The following CACNG5 variants were observed in gnomAD, a reference collection of about 807,000 sequenced individuals.
CACNG5 encodes the protein calcium voltage-gated channel auxiliary subunit gamma 5, also known as voltage-dependent calcium channel gamma-5 subunit.
CACNG5 carries 18 observed loss-of-function variants against 24.8 expected under a neutral mutation model. The observed-to-expected ratio is 0.73, with a 90% CI of 0.50 to 1.08. The LOEUF (loss-of-function observed/expected upper bound fraction) is 1.08. CACNG5 is among the 50% of genes least tolerant of loss of function. The probability of loss-of-function intolerance (pLI) is 0.00; values close to 1 mark genes in which losing one functional copy is unlikely to be tolerated. For synonymous variants in CACNG5, 157 were observed against 149.1 expected, an observed-to-expected ratio of 1.05 and a Z score of -0.39; for missense variants, 349 against 367.9, an observed-to-expected ratio of 0.95 and a Z score of 0.42.
rs1977307997 is a variant in CACNG5, at chr17:66,889,294, T to C, written c.*4054T>C. 6.6e-6 allele frequency among the ~76,000 whole-genome samples: 1 copy of C among 152,172 alleles called. No homozygotes were observed. Among genetic ancestry groups the C allele is most frequent in the African/African-American group, 2.4e-5 (1 of 41,456 alleles). On this transcript the variant is annotated 3_prime_UTR_variant, in exon 6 of 6. Transcript: ENST00000533854. ...CTTTCTTGTCCCATGGGTGAGTCAA[T>C]GATGTCCTCCCAGCCCCACCAGTGA...
Position 66,885,209 on chromosome 17 carries a change from A to G in CACNG5, c.797A>G (p.Asp266Gly). ...SNYPALLKCP[D>G]YDQMSSSPC ...TACCCCGCCTTGCTCAAGTGCCCCGACTATGATCAGATGTCCTCTTCACCC... is the reference window on the plus strand; with the variant it reads ...TACCCCGCCTTGCTCAAGTGCCCCGGCTATGATCAGATGTCCTCTTCACCC... Residue 266 changes from aspartate (D) to glycine (G), a missense_variant, in exon 6 of 6, where the codon GAC becomes GGC. Coordinates refer to ENST00000533854, the MANE Select transcript of CACNG5 (RefSeq NM_145811.3). 1.2e-6 allele frequency: 2 copies of G among 1,601,220 alleles called. No individual in the cohort carries two copies. Among genetic ancestry groups the G allele is most frequent in the Non-Finnish European group, 1.7e-6 (2 of 1,177,844 alleles).
chr17:66,843,281 C>A (rs1215291132), intron 1 of CACNG5, among the ~76,000 whole-genome samples: 1 of 152,134 alleles, frequency 6.6e-6, no homozygotes, highest in East Asian at 1.9e-4. Flanking sequence ...TGAAGTCCAG[C>A]ACCTAAAGAA....
rs1977385592 is a variant in CACNG5 at position 66,894,383 on chromosome 17, C to A, written c.*9143C>A. 6.6e-6 allele frequency among the ~76,000 whole-genome samples: 1 copy of A among 152,062 alleles called. No homozygotes were observed. ...TACTCATAATAATTTACCCTGTGAT[C>A]CTATTAATAATAAATTAGTACTAAT... On this transcript the variant is annotated 3_prime_UTR_variant, in exon 6 of 6. Coordinates refer to ENST00000533854, the MANE Select transcript of CACNG5 (RefSeq NM_145811.3).
intron 1 of CACNG5, among the ~76,000 whole-genome samples, chr17:66,839,669 A>G (rs1598042125): frequency 7.0e-6 from 1 of 141,950 alleles, no homozygotes; most frequent in Non-Finnish European, 1.6e-5. Flanking sequence ...AGGAACATGG[A>G]GGGGGGTCAG....
intron 1 of CACNG5, among the ~76,000 whole-genome samples, chr17:66,852,173 C>T (rs944380019): frequency 1.3e-5 from 2 of 152,326 alleles, no homozygotes; most frequent in Non-Finnish European, 2.9e-5. Flanking sequence ...TTCTGGTCTT[C>T]GGACTCTGAG....
intron 1 of CACNG5, among the ~76,000 whole-genome samples, chr17:66,866,573 C>T (rs944358501): frequency 7.9e-5 from 12 of 152,148 alleles, no homozygotes; most frequent in Non-Finnish European, 1.5e-4. Flanking sequence ...GTATTAAGCC[C>T]TGCATGCTTT....
chr17:66,874,145 C>A (rs1391017737), intron 1 of CACNG5, among the ~76,000 whole-genome samples: 1 of 152,086 alleles, frequency 6.6e-6, no homozygotes, highest in Non-Finnish European at 1.5e-5. Context: ...AGCTTCTTAA[C>A]CTCACTGATC....
intron 4 of CACNG5, among the ~76,000 whole-genome samples, chr17:66,882,743 G>A (rs913552461): frequency 5.9e-5 from 9 of 152,166 alleles, no homozygotes; most frequent in African/African-American, 1.4e-4. Context: ...ATTGATAGAT[G>A]GATGGATGGA....
In CACNG5 at chr17:66,879,077, G is replaced by T. The variant is rs774424619; in HGVS notation, c.283+19G>T. 6.3e-7 allele frequency: 1 copy of T among 1,594,952 alleles called. No homozygotes were observed. Among genetic ancestry groups the T allele is most frequent in the Non-Finnish European group, 8.6e-7 (1 of 1,162,876 alleles). Reference sequence around the variant, plus strand: ...GTTCTAAGTAAGTGCCTTGAGTCTGGCAACCTGGGCCACTGGCTGGACAGA... The same window carrying T: ...GTTCTAAGTAAGTGCCTTGAGTCTGTCAACCTGGGCCACTGGCTGGACAGA... On this transcript the variant is annotated intron_variant, in intron 3 of 5. Coordinates refer to ENST00000533854, the MANE Select transcript of CACNG5 (RefSeq NM_145811.3).
intron 4 of CACNG5, among the ~76,000 whole-genome samples, chr17:66,883,740 A>G (rs1977199851): frequency 6.6e-6 from 1 of 152,228 alleles, no homozygotes; most frequent in South Asian, 2.1e-4. Context: ...TCACAATGAT[A>G]GGTGCCACCT....
chr17:66,885,542 A>C lies in CACNG5; in HGVS notation c.*302A>C. ...GCCAGCAGCTCCCCCCAAGCCCAGG[A>C]GACACCGATGTTCCCTTTGTATATT... On this transcript the variant is annotated 3_prime_UTR_variant, in exon 6 of 6. Transcript: ENST00000533854. The C allele has an allele frequency of 2.5e-6, 1 of 395,538 alleles. No individual in the cohort carries two copies. The highest frequency in any genetic ancestry group is 4.5e-6 in the Non-Finnish European group (1 of 220,638). 24.5% of individuals were successfully genotyped at this position (395,538 alleles called of 1,614,324 possible).
intron 5 of CACNG5, 86 bp from the exon 6 acceptor site, chr17:66,884,897 C>G (rs148429496): frequency 2.5e-5 from 40 of 1,613,560 alleles, no homozygotes; most frequent in Non-Finnish European, 3.4e-5. Flanking sequence ...CCACCCCACT[C>G]GAGCTGTGTC....
chr17:66,859,755 G>A (rs527637500), intron 1 of CACNG5, among the ~76,000 whole-genome samples: 1 of 152,170 alleles, frequency 6.6e-6, no homozygotes, highest in Admixed American at 6.5e-5. Context: ...TAATCATGGA[G>A]GGGGCTGGGC....
chr17:66,877,580 C>G (rs755135270), intron 2 of CACNG5, 52 bp downstream of exon 2: 2 of 1,477,238 alleles, frequency 1.4e-6, no homozygotes, highest in South Asian at 2.4e-5. Flanking sequence ...TCACCTGCCC[C>G]AAGAGGTCCC....
At chr17:66,841,403 G>T (rs1976565928) in intron 1 of CACNG5, among the ~76,000 whole-genome samples, 1 of 152,178 alleles carries the variant, frequency 6.6e-6, no homozygotes, top group Non-Finnish European at 1.5e-5. Flanking sequence ...TTAGTGATTT[G>T]GGGCCCCCAA....
In CACNG5 at chr17:66,878,974, G is replaced by A. The variant is rs1463433635; in HGVS notation, c.199G>A (p.Glu67Lys). The A allele has an allele frequency of 6.2e-7, 1 of 1,612,550 alleles. No individual in the cohort carries two copies. Among genetic ancestry groups the A allele is most frequent in the Non-Finnish European group, 8.5e-7 (1 of 1,178,838 alleles). ...AAATGTGATTCTTGTCTCCACAGGT[G>A]AGGAGCGGGGGCGTTGCTTCACCAT... is the stretch of plus-strand genomic sequence containing the variant. ...GLWRVCFLAG[E>K]ERGRCFTIEY... The change falls in exon 3 of 6, where the codon GAG becomes AAG. Residue 67 changes from glutamate (E) to lysine (K), a missense_variant and splice_region_variant. Transcript: ENST00000533854.
rs1433164788 is a variant in CACNG5 at position 66,879,016 on chromosome 17, A to G, written c.241A>G (p.Met81Val). The change falls in exon 3 of 6, where the codon ATG (methionine) becomes GTG (valine). Residue 81 changes from methionine (M) to valine (V), a missense_variant. Coordinates refer to ENST00000533854, the MANE Select transcript of CACNG5 (RefSeq NM_145811.3). Reference sequence around the variant, plus strand: ...CTTCACCATAGAATATGTGATGCCCATGAACACCCAGCTGACATCCGAGTC... The same window carrying G: ...CTTCACCATAGAATATGTGATGCCCGTGAACACCCAGCTGACATCCGAGTC... ...RCFTIEYVMP[M>V]NTQLTSESTV... 5 of 1,614,106 alleles carry G rather than the reference A, an allele frequency of 3.1e-6. No homozygotes were observed. In the South Asian group the frequency reaches 5.5e-5, roughly 18 times the overall value.
chr17:66,885,059 T>G lies in CACNG5; in HGVS notation c.647T>G (p.Phe216Cys). 1 of 1,614,178 alleles carries G rather than the reference T, an allele frequency of 6.2e-7. No individual in the cohort carries two copies. The highest frequency in any genetic ancestry group is 8.5e-7 in the Non-Finnish European group (1 of 1,180,010). ...GACATGTACAGGCCCCACCCTGGCT[T>G]CTACCGCCCTCGGCTGAGCAACTGC... is the stretch of plus-strand genomic sequence containing the variant. ...AEDMYRPHPG[F>C]YRPRLSNCSD... The change falls in exon 6 of 6, where the codon TTC becomes TGC. Residue 216 changes from phenylalanine (F) to cysteine (C), a missense_variant. By Grantham distance (205) the Phe-to-Cys change is radical. Transcript: ENST00000533854.
rs986733256 is a variant in CACNG5, at chr17:66,889,638, G to A, written c.*4398G>A. Among the ~76,000 whole-genome samples, 6 of 152,186 alleles carry A rather than the reference G, an allele frequency of 3.9e-5. No individual in the cohort carries two copies. Among genetic ancestry groups the A allele is most frequent in the South Asian group, 2.1e-4 (1 of 4,822 alleles). On this transcript the variant is annotated 3_prime_UTR_variant, in exon 6 of 6. Transcript: ENST00000533854. ...CAGAGGCTGGTTGGGCTGGAGACCC[G>A]GTGAGGACTTGCAGTTCAAGTCCAA...
Sources: allele counts gnomAD v4.1 joint callset (sites outside exome capture counted in the v4.1 genomes callset), GRCh38; gene constraint gnomAD v4.1.1; transcripts MANE v1.5; gene names NCBI Gene and HGNC (gene_info 2026-07-23, HGNC 2026-07-21).